Variants in CUL4A observed in about 807,000 individuals in gnomAD.
CUL4A encodes the protein cullin 4A.
Under a neutral mutation model 95.5 loss-of-function variants are expected in CUL4A, and 16 were observed. The observed-to-expected ratio is 0.17, with a 90% CI of 0.11 to 0.25. The LOEUF is 0.25. Among genes scored for constraint, CUL4A ranks in the 10% least tolerant of loss-of-function variants. CUL4A has a pLI of 1.00. For synonymous variants in CUL4A, 380 were observed against 353.1 expected (o/e 1.08, Z -0.85); for missense variants, 610 against 937.0 (o/e 0.65, Z 4.56).
chr13:113,215,513 TCTCG>T (rs2040628558), intron 2 of CUL4A, among the ~76,000 whole-genome samples: 2 of 144,270 alleles, frequency 1.4e-5, no homozygotes, highest in Non-Finnish European at 3.0e-5. Context: ...ACTATGGAGG[TCTCG>T]TCCATGTGGC....
chr13:113,242,614 G>A (rs551884474), intron 10 of CUL4A, among the ~76,000 whole-genome samples: 37 of 152,114 alleles, frequency 2.4e-4, no homozygotes, highest in Non-Finnish European at 3.7e-4. Context: ...ACATGACCCC[G>A]TCTCTACAAA....
intron 2 of CUL4A, among the ~76,000 whole-genome samples, chr13:113,210,514 CA>C (rs1567006910): frequency 6.6e-6 from 1 of 152,070 alleles, no homozygotes; most frequent in Non-Finnish European, 1.5e-5. Flanking sequence ...TGAAAAAATT[CA>C]AAATTCAGAA....
intron 2 of CUL4A, among the ~76,000 whole-genome samples, chr13:113,215,417 C>T (rs1349289278): frequency 1.3e-5 from 2 of 148,574 alleles, no homozygotes. Context: ...GGTCACGTCC[C>T]ATGTGGCTGT....
rs200417550 is a variant in CUL4A at position 113,263,525 on chromosome 13, C to G, written c.2223C>G (p.Asp741Glu). The G allele has an allele frequency of 6.2e-7, 1 of 1,608,462 alleles. No homozygotes were observed. Among genetic ancestry groups the G allele is most frequent in the Non-Finnish European group, 8.5e-7 (1 of 1,177,754 alleles). The change falls in exon 20 of 20, where the codon GAC becomes GAG. Residue 741 changes from aspartate (D) to glutamate (E), a missense_variant. This residue lies in a region of CUL4A where 31 missense variants were observed against 40.3 expected (regional missense o/e 0.77). Coordinates refer to ENST00000375440, the MANE Select transcript of CUL4A (RefSeq NM_001008895.4). ...AAAAGAGAATTGAATCTCTGATAGA[C>G]AGAGACTATATGGAGAGAGACAAAG... ...DLKKRIESLI[D>E]RDYMERDKDN... is the part of the protein sequence containing the mutation.
At chr13:113,229,969 G>GACC in intron 5 of CUL4A, 1 of 350,086 alleles carries the variant, frequency 2.9e-6, no homozygotes, top group Non-Finnish European at 5.1e-6. Flanking sequence ...ATCTTTCGGG[G>GACC]ACTGTATACA....
intron 15 of CUL4A, among the ~76,000 whole-genome samples, chr13:113,246,602 C>T (rs1466892152): frequency 1.3e-5 from 2 of 152,274 alleles, no homozygotes; most frequent in African/African-American, 2.4e-5. Flanking sequence ...CTGGAAAAGG[C>T]GTCCCTTAAG....
intron 2 of CUL4A, among the ~76,000 whole-genome samples, chr13:113,218,237 C>CA (rs34265141): frequency 0.21 from 29,915 of 144,624 alleles, 3,679 homozygotes; most frequent in South Asian, 0.44. Flanking sequence ...GACTCCAACT[C>CA]AAAAAAAAAA....
At chr13:113,229,123 CAAAA>C (rs911540867) in intron 4 of CUL4A, among the ~76,000 whole-genome samples, 6 of 151,316 alleles carry the variant, frequency 4.0e-5, no homozygotes, top group African/African-American at 1.5e-4. Context: ...CGTCTCAAGA[CAAAA>C]AAAAGAAAAA....
rs2042386875 is a variant in CUL4A, at chr13:113,265,724, TTATATC to T, written c.*2146_*2151del. ...TTTTATAAAAGAAAGGAAAATCTAT[TTATATC>T]TATTCTCTTATTTAGCAATATTTAA... On this transcript the variant is annotated 3_prime_UTR_variant, in exon 20 of 20. Transcript: ENST00000375440. 2 of 152,208 alleles carry T rather than the reference TTATATC, an allele frequency of 1.3e-5. No homozygotes were observed. Among genetic ancestry groups the T allele is most frequent in the South Asian group, 2.1e-4 (1 of 4,832 alleles). 9.4% of individuals were successfully genotyped at this position (152,208 alleles called of 1,614,324 possible).
chr13:113,221,821 C>T lies in CUL4A; in HGVS notation c.368+2773C>T, dbSNP rs141303118. Among the ~76,000 whole-genome samples the T allele has an allele frequency of 7.3e-3, 1,107 of 152,332 alleles. 10 individuals are homozygous for T. The highest frequency in any genetic ancestry group is 0.024 in the African/African-American group (994 of 41,578). ...TCGAACTCCTGACCTCGTGATCCAC[C>T]TGCCTCAGCCTCCCAAAGTGCTGGG... On this transcript the variant is annotated intron_variant, in intron 3 of 19. Coordinates refer to ENST00000375440, the MANE Select transcript of CUL4A (RefSeq NM_001008895.4).
At chr13:113,262,830 G>A (rs1428356520) in intron 19 of CUL4A, 7 of 148,836 alleles carry the variant, frequency 4.7e-5, no homozygotes, top group African/African-American at 5.0e-5. Context: ...TCGCTTATAC[G>A]TGCCCTTGCT....
chr13:113,225,223 G>A (rs1230884163), intron 3 of CUL4A, among the ~76,000 whole-genome samples: 1 of 152,036 alleles, frequency 6.6e-6, no homozygotes, highest in East Asian at 1.9e-4. Flanking sequence ...AACCTATCTC[G>A]AGAATACACT....
At chr13:113,260,464 C>T (rs948356704) in intron 18 of CUL4A, 143 bp from the exon 19 acceptor site, 69 of 623,098 alleles carry the variant, frequency 1.1e-4, no homozygotes, top group Non-Finnish European at 1.6e-4. Context: ...GCAAGAGAAT[C>T]GCTTGATCCT....
intron 3 of CUL4A, among the ~76,000 whole-genome samples, chr13:113,222,071 T>C (rs565357493): frequency 6.6e-6 from 1 of 152,242 alleles, no homozygotes; most frequent in African/African-American, 2.4e-5. Flanking sequence ...GCCCTGGCGC[T>C]GAGGAAGCTT....
chr13:113,215,231 G>T (rs952681806), intron 2 of CUL4A, among the ~76,000 whole-genome samples: 1 of 151,804 alleles, frequency 6.6e-6, no homozygotes, highest in Admixed American at 6.6e-5. Flanking sequence ...CACATCCCGT[G>T]TGGCTGTGGA....
Position 113,235,767 on chromosome 13 carries a change from G to A in CUL4A, c.848+622G>A, listed in dbSNP as rs111413436. On this transcript the variant is annotated intron_variant, in intron 8 of 19. Coordinates refer to ENST00000375440, the MANE Select transcript of CUL4A (RefSeq NM_001008895.4). Reference sequence around the variant, plus strand: ...GGGCAGATCACAAAGTCAGGAGATCGAGACCATCCTGACCAACATGGTGAA... The same window carrying A: ...GGGCAGATCACAAAGTCAGGAGATCAAGACCATCCTGACCAACATGGTGAA... 6.4e-4 allele frequency among the ~76,000 whole-genome samples: 98 copies of A among 152,080 alleles called. No individual in the cohort carries two copies. In the East Asian group the frequency reaches 0.011, roughly 17 times the overall value.
chr13:113,208,506 A>C, upstream of CUL4A: 3 of 1,551,050 alleles, frequency 1.9e-6, no homozygotes, highest in Admixed American at 5.8e-5. Flanking sequence ...CGAGGCGGGA[A>C]AGGAAAAGGC....
At chr13:113,255,275 C>T (rs916877652) in intron 18 of CUL4A, 150 bp downstream of exon 18, 4 of 531,112 alleles carry the variant, frequency 7.5e-6, no homozygotes, top group Admixed American at 3.7e-5. Context: ...ACTCATTTTC[C>T]TGTCGCTTTC....
chr13:113,241,783 G>A (rs1422785236), intron 10 of CUL4A, among the ~76,000 whole-genome samples: 7 of 152,024 alleles, frequency 4.6e-5, no homozygotes, highest in Admixed American at 1.3e-4. Context: ...AAAGTGCTGG[G>A]ATTACAAGCG....
Sources: allele counts gnomAD v4.1 joint callset (sites outside exome capture counted in the v4.1 genomes callset), GRCh38; gene constraint gnomAD v4.1.1; regional missense constraint gnomAD v4.1.1; transcripts MANE v1.5; gene names NCBI Gene and HGNC (gene_info 2026-07-23, HGNC 2026-07-21).